NLGN1: variants seen among roughly 807,000 people sequenced by gnomAD.
The protein encoded by NLGN1 is neuroligin 1.
A neutral mutation model predicts 65.5 loss-of-function variants in NLGN1; 12 were observed. The observed-to-expected ratio is 0.18, with a 90% confidence interval of 0.12 to 0.30. The LOEUF is 0.30. Ranked by LOEUF, NLGN1 falls within the 10% of genes least tolerant of loss-of-function variation. The pLI is 1.00. For missense variants in NLGN1, 750 were observed against 1,007.1 expected (o/e 0.74, Z 3.46); for synonymous variants, 350 against 359.5 (o/e 0.97, Z 0.30).
At chr3:173,813,207 A>G (rs1718340429) in intron 4 of NLGN1, among the ~76,000 whole-genome samples, 1 of 152,128 alleles carries the variant, frequency 6.6e-6, no homozygotes, top group African/African-American at 2.4e-5. Context: ...TAATTCCTCA[A>G]GTGGTACAAT....
intron 2 of NLGN1, among the ~76,000 whole-genome samples, chr3:173,443,837 A>G (rs915436377): frequency 6.6e-6 from 1 of 152,220 alleles, no homozygotes; most frequent in Non-Finnish European, 1.5e-5. Flanking sequence ...TTTTCAAGGT[A>G]ATACAATTTT....
intron 4 of NLGN1, among the ~76,000 whole-genome samples, chr3:173,895,383 G>C (rs551702732): frequency 3.3e-5 from 5 of 152,076 alleles, no homozygotes; most frequent in Non-Finnish European, 7.4e-5. Flanking sequence ...AGGATTGCCC[G>C]GAAAGGAAAG....
At chr3:173,770,704 T>A (rs1779451356) in intron 3 of NLGN1, among the ~76,000 whole-genome samples, 1 of 152,148 alleles carries the variant, frequency 6.6e-6, no homozygotes, top group South Asian at 2.1e-4. Context: ...CAGATCAATG[T>A]ATCGACCTTT....
At position 174,148,022 on chromosome 3, in the gene NLGN1, A is replaced by G. The variant is rs367786806; in HGVS notation, c.647-127293A>G. 5.9e-5 allele frequency among the ~76,000 whole-genome samples: 9 copies of G among 152,090 alleles called. No homozygotes were observed. The East Asian group carries it at 1.5e-3, about 26-fold the overall frequency. ...AACATTCTGGTGTGCATTTTGCAGAAGAACACTTCTACAAAAGAATGTGTG... is the reference window on the plus strand; with the variant it reads ...AACATTCTGGTGTGCATTTTGCAGAGGAACACTTCTACAAAAGAATGTGTG... On this transcript the variant is annotated intron_variant, in intron 4 of 6. Transcript: ENST00000457714.
At position 173,640,392 on chromosome 3, in the gene NLGN1, A is replaced by G. The variant is rs2149584413; in HGVS notation, c.493+35301A>G. On this transcript the variant is annotated intron_variant, in intron 3 of 6. Coordinates refer to ENST00000457714, the Ensembl canonical transcript of NLGN1. ...TCTTCACCTAAGTTCATTAATTGTT[A>G]GTATTTTTATACATATCATTTATAT... Among the ~76,000 whole-genome samples, 3 of 152,248 alleles carry G rather than the reference A, an allele frequency of 2.0e-5. No individual in the cohort carries two copies. In the South Asian group the frequency reaches 6.2e-4, roughly 32 times the overall value.
intron 3 of NLGN1, among the ~76,000 whole-genome samples, chr3:173,700,182 A>G (rs1449646462): frequency 6.6e-6 from 1 of 152,260 alleles, no homozygotes; most frequent in African/African-American, 2.4e-5. Context: ...TGTTAATTGT[A>G]TATCTACAAA....
At chr3:173,547,290 A>G (rs1194024276) in intron 2 of NLGN1, among the ~76,000 whole-genome samples, 3 of 152,150 alleles carry the variant, frequency 2.0e-5, no homozygotes, top group Non-Finnish European at 4.4e-5. Context: ...TCATTCACTC[A>G]ACAGGATTAT....
intron 3 of NLGN1, among the ~76,000 whole-genome samples, chr3:173,797,543 T>C (rs368630805): frequency 7.9e-5 from 12 of 152,052 alleles, no homozygotes; most frequent in African/African-American, 2.9e-4. Flanking sequence ...TATTTGCTTC[T>C]AATTCTTCAG....
intron 1 of NLGN1, among the ~76,000 whole-genome samples, chr3:173,417,303 G>A (rs1294167631): frequency 6.6e-6 from 1 of 151,624 alleles, no homozygotes; most frequent in Non-Finnish European, 1.5e-5. Flanking sequence ...TTTTTTAAAT[G>A]GTCTTTTTCA....
chr3:173,488,423 C>G (rs1349799414), intron 2 of NLGN1, among the ~76,000 whole-genome samples: 2 of 152,002 alleles, frequency 1.3e-5, no homozygotes, highest in African/African-American at 4.8e-5. Flanking sequence ...GGATTGAATT[C>G]TCTTTTCTTG....
intron 4 of NLGN1, among the ~76,000 whole-genome samples, chr3:173,934,361 G>T (rs780434464): frequency 6.6e-6 from 1 of 150,664 alleles, no homozygotes; most frequent in Non-Finnish European, 1.5e-5. Context: ...TATCTAACTT[G>T]TTTATTTCAT....
At chr3:173,940,654 A>G (rs1429780444) in intron 4 of NLGN1, among the ~76,000 whole-genome samples, 2 of 152,208 alleles carry the variant, frequency 1.3e-5, no homozygotes, top group African/African-American at 4.8e-5. Flanking sequence ...ACATTTGCAC[A>G]TAGGGGGACA....
intron 3 of NLGN1, among the ~76,000 whole-genome samples, chr3:173,697,194 G>A (rs1226488260): frequency 6.6e-6 from 1 of 152,158 alleles, no homozygotes; most frequent in African/African-American, 2.4e-5. Flanking sequence ...CAGGCACATT[G>A]CATAGATACT....
At position 173,943,302 on chromosome 3, in the gene NLGN1, T is replaced by G. The variant is rs75621959; in HGVS notation, c.646+135470T>G. Reference sequence around the variant, plus strand: ...ACTTTAATATTAATTACTTTTTAAATAGGACCTTATATATTTCTCTAATTA... The same window carrying G: ...ACTTTAATATTAATTACTTTTTAAAGAGGACCTTATATATTTCTCTAATTA... On this transcript the variant is annotated intron_variant, in intron 4 of 6. Transcript: ENST00000457714. Among the ~76,000 whole-genome samples, 127 of 152,244 alleles carry G rather than the reference T, an allele frequency of 8.3e-4. 2 individuals are homozygous for G. In the East Asian group the frequency reaches 0.023, roughly 28 times the overall value.
intron 4 of NLGN1, among the ~76,000 whole-genome samples, chr3:173,979,156 T>C (rs945721791): frequency 6.6e-6 from 1 of 151,742 alleles, no homozygotes; most frequent in Non-Finnish European, 1.5e-5. Context: ...TTAGAGTAAA[T>C]TGAGGAGTGA....
intron 4 of NLGN1, among the ~76,000 whole-genome samples, chr3:174,200,633 A>G (rs1734272575): frequency 6.6e-6 from 1 of 152,354 alleles, no homozygotes; most frequent in Non-Finnish European, 1.5e-5. Flanking sequence ...AGAAAGTGCT[A>G]TATGTTGCAG....
chr3:173,890,830 T>C (rs1735194092), intron 4 of NLGN1, among the ~76,000 whole-genome samples: 2 of 152,146 alleles, frequency 1.3e-5, no homozygotes, highest in South Asian at 4.1e-4. Context: ...TAAAATATGG[T>C]TGGAATCTAT....
intron 2 of NLGN1, among the ~76,000 whole-genome samples, chr3:173,558,404 C>T (rs774986730): frequency 8.5e-5 from 13 of 152,062 alleles, no homozygotes; most frequent in Non-Finnish European, 5.9e-5. Context: ...CATTTGCCCC[C>T]CCAACCCCAT....
chr3:173,790,429 T>C lies in NLGN1; in HGVS notation c.494-17251T>C, dbSNP rs2029336. Among the ~76,000 whole-genome samples the C allele has an allele frequency of 5.9e-3, 891 of 152,294 alleles. 3 individuals are homozygous for C. Among genetic ancestry groups the C allele is most frequent in the Non-Finnish European group, 8.6e-3 (584 of 68,026 alleles). ...TCAACCACCCACAATTCAGTGATAA[T>C]TATCATTACTCTCACTGTATTCTCT... On this transcript the variant is annotated intron_variant, in intron 3 of 6. Coordinates refer to ENST00000457714, the Ensembl canonical transcript of NLGN1.
Sources: allele counts gnomAD v4.1 joint callset (sites outside exome capture counted in the v4.1 genomes callset), GRCh38; gene constraint gnomAD v4.1.1; transcripts MANE v1.5; gene names NCBI Gene and HGNC (gene_info 2026-07-23, HGNC 2026-07-21).